The following KCTD8 variants were observed in gnomAD, a reference collection of about 807,000 sequenced individuals.
The protein encoded by KCTD8 is potassium channel tetramerization domain containing 8.
Under a neutral mutation model 31.5 loss-of-function variants are expected in KCTD8, and 27 were observed. That is an observed-to-expected ratio of 0.86 (90% CI 0.63 to 1.18). KCTD8 has a LOEUF of 1.18. Among genes scored for constraint, KCTD8 ranks in the 50% most tolerant of loss-of-function variants. The pLI is 0.00. For synonymous variants in KCTD8, 290 were observed against 280.0 expected (o/e 1.04, Z -0.36); for missense variants, 658 against 647.7 (o/e 1.02, Z -0.17).
chr4:44,244,313 T>C (rs1372218933), intron 1 of KCTD8, among the ~76,000 whole-genome samples: 1 of 152,156 alleles, frequency 6.6e-6, no homozygotes, highest in Non-Finnish European at 1.5e-5. Flanking sequence ...CTTGTAATTC[T>C]GGAATTGGAC....
chr4:44,200,631 A>G (rs1714112657), intron 1 of KCTD8, among the ~76,000 whole-genome samples: 2 of 152,222 alleles, frequency 1.3e-5, no homozygotes, highest in East Asian at 3.9e-4. Flanking sequence ...AACCATCAAC[A>G]GGCTAGGCAT....
At chr4:44,317,120 T>C (rs1718150105) in intron 1 of KCTD8, among the ~76,000 whole-genome samples, 1 of 151,804 alleles carries the variant, frequency 6.6e-6, no homozygotes, top group South Asian at 2.1e-4. Context: ...TCCTTTCATT[T>C]TGTTTTTTTG....
intron 1 of KCTD8, among the ~76,000 whole-genome samples, chr4:44,292,644 T>TA (rs1717314016): frequency 3.3e-5 from 5 of 152,072 alleles, no homozygotes. Context: ...ATTATTTTTG[T>TA]AAAAAATATA....
chr4:44,332,346 T>C (rs1404858930), intron 1 of KCTD8, among the ~76,000 whole-genome samples: 1 of 152,000 alleles, frequency 6.6e-6, no homozygotes. Flanking sequence ...GTCCAGGACC[T>C]TCAGCCTTCT....
chr4:44,448,192 TC>T lies in KCTD8; in HGVS notation c.331del (p.Asp111IlefsTer216). ...CGCGAGTTGCTTGTCCCGCAGATAA[TC>T]CAGCACGTACCTGAAAAGGAAGCCG... ...RDGFLFRYVLDYLRDKQLALP... is the reference protein window; with the variant it reads ...RDGFLFRYVLXYLRDKQLALP... On this transcript the variant is annotated frameshift_variant, in exon 1 of 2. Coordinates refer to ENST00000360029, the MANE Select transcript of KCTD8 (RefSeq NM_198353.3). LOFTEE classifies it high-confidence loss of function. The surrounding 1 kb of genome is among the most constrained non-coding windows in gnomAD (Gnocchi z 4.1). The T allele has an allele frequency of 6.2e-7, 1 of 1,612,216 alleles. No homozygotes were observed. Among genetic ancestry groups the T allele is most frequent in the Non-Finnish European group, 8.5e-7 (1 of 1,179,658 alleles).
intron 1 of KCTD8, among the ~76,000 whole-genome samples, chr4:44,420,921 G>C (rs1721193240): frequency 6.6e-6 from 1 of 151,896 alleles, no homozygotes; most frequent in African/African-American, 2.4e-5. Context: ...AGGGTTAGTG[G>C]ATCTCAACTA....
At chr4:44,352,034 A>C (rs1719217537) in intron 1 of KCTD8, among the ~76,000 whole-genome samples, 2 of 152,026 alleles carry the variant, frequency 1.3e-5, no homozygotes, top group Admixed American at 6.6e-5. Flanking sequence ...GGATATAGAG[A>C]ACTTCTTACC....
chr4:44,415,540 T>C (rs186076767), intron 1 of KCTD8, among the ~76,000 whole-genome samples: 8 of 152,174 alleles, frequency 5.3e-5, no homozygotes, highest in Admixed American at 4.6e-4. Flanking sequence ...GAAAGAATGG[T>C]TTTAGGGTCC....
At chr4:44,400,704 G>A (rs1720626108) in intron 1 of KCTD8, among the ~76,000 whole-genome samples, 1 of 148,208 alleles carries the variant, frequency 6.7e-6, no homozygotes, top group Non-Finnish European at 1.5e-5. Context: ...ACTCCAGCCT[G>A]GGGGACAGAA....
chr4:44,389,956 T>C (rs907184671), intron 1 of KCTD8, among the ~76,000 whole-genome samples: 2 of 152,024 alleles, frequency 1.3e-5, no homozygotes, highest in African/African-American at 2.4e-5. Context: ...TCTGTTCATG[T>C]CCTTAGCCTA....
chr4:44,302,930 G>A (rs567583289), intron 1 of KCTD8, among the ~76,000 whole-genome samples: 3 of 152,060 alleles, frequency 2.0e-5, no homozygotes, highest in South Asian at 2.1e-4. Context: ...TAGCATGAAG[G>A]GTTGTTGAAT....
At chr4:44,409,567 C>T (rs1720901701) in intron 1 of KCTD8, among the ~76,000 whole-genome samples, 1 of 151,958 alleles carries the variant, frequency 6.6e-6, no homozygotes, top group South Asian at 2.1e-4. Context: ...GAAGTGGGAG[C>T]TTGGGAGATA....
At chr4:44,250,913 T>C (rs1715812520) in intron 1 of KCTD8, among the ~76,000 whole-genome samples, 1 of 151,772 alleles carries the variant, frequency 6.6e-6, no homozygotes, top group African/African-American at 2.4e-5. Flanking sequence ...GTCTTTAATT[T>C]CATGTACGCA....
chr4:44,369,206 A>C (rs1174174525), intron 1 of KCTD8, among the ~76,000 whole-genome samples: 1 of 152,230 alleles, frequency 6.6e-6, no homozygotes, highest in Non-Finnish European at 1.5e-5. Context: ...TCTGTAATTG[A>C]TTGGACAGAG....
At chr4:44,250,022 C>T (rs951088323) in intron 1 of KCTD8, among the ~76,000 whole-genome samples, 1 of 151,694 alleles carries the variant, frequency 6.6e-6, no homozygotes, top group Non-Finnish European at 1.5e-5. Context: ...ATTTTGTAGA[C>T]ATCTTTTGCA....
intron 1 of KCTD8, among the ~76,000 whole-genome samples, chr4:44,363,737 C>T (rs78433210): frequency 0.042 from 6,392 of 152,142 alleles, 184 homozygotes; most frequent in Non-Finnish European, 0.063. Context: ...ATGTAGACTA[C>T]TCAGATAGCT....
Position 44,263,180 on chromosome 4 carries a change from T to C in KCTD8, c.962-87930A>G, listed in dbSNP as rs76111406. On this transcript the variant is annotated intron_variant, in intron 1 of 1. Transcript: ENST00000360029. ...TTATAATCTTCATTTTGTCACATTA[T>C]AGGCATAACAGCAAGTTTATGCCTA... 8.5e-4 allele frequency among the ~76,000 whole-genome samples: 129 copies of C among 152,308 alleles called. 1 individual carries two copies. The East Asian group carries it at 0.023, about 27-fold the overall frequency.
At chr4:44,308,346 T>C (rs78784748) in intron 1 of KCTD8, among the ~76,000 whole-genome samples, 2,462 of 152,038 alleles carry the variant, frequency 0.016, 77 homozygotes, top group East Asian at 0.083. Context: ...TCTTTTTTTT[T>C]CCCTTTAAAA....
chr4:44,404,075 G>A (rs780198975), intron 1 of KCTD8, among the ~76,000 whole-genome samples: 3 of 152,066 alleles, frequency 2.0e-5, no homozygotes, highest in Non-Finnish European at 4.4e-5. Flanking sequence ...CCATTTCTTA[G>A]ATTCAATGGC....
Sources: allele counts gnomAD v4.1 joint callset (sites outside exome capture counted in the v4.1 genomes callset), GRCh38; gene constraint gnomAD v4.1.1; non-coding constraint Gnocchi (gnomAD v3.1); transcripts MANE v1.5; gene names NCBI Gene and HGNC (gene_info 2026-07-23, HGNC 2026-07-21).